The following NCAPD3 variants were observed in gnomAD, a reference collection of about 807,000 sequenced individuals.
NCAPD3 encodes non-SMC condensin II complex subunit D3, also known as condensin-2 complex subunit D3.
A neutral mutation model predicts 182.9 loss-of-function variants in NCAPD3; 105 were observed. The observed-to-expected ratio is 0.57, with a 90% CI of 0.49 to 0.68. NCAPD3 has a LOEUF of 0.68. Among genes scored for constraint, NCAPD3 ranks in the 30% least tolerant of loss-of-function variants. The pLI, the probability that NCAPD3 is intolerant of heterozygous loss-of-function variation, is 0.00. For missense variants in NCAPD3, 1,944 were observed against 1,837.0 expected (o/e 1.06, Z -1.07); for synonymous variants, 815 against 679.9 (o/e 1.20, Z -3.09).
rs775476311 is a variant in NCAPD3 at position 134,192,880 on chromosome 11, T to C, written c.1854A>G (p.Lys618=). The part of the protein sequence containing the change: ...MAQPRCVQIQ[K]AWLRGVVPVV... ...CCGGGACCACCCCCCGCAACCAGGC[T>C]TTCTGGATCTGCACGCATCTAGGCT... The change falls in exon 16 of 35, where the codon AAA becomes AAG. Residue 618 remains lysine, a synonymous_variant. Transcript: ENST00000534548. 11 of 1,612,722 alleles carry C rather than the reference T, an allele frequency of 6.8e-6. No homozygotes were observed. The highest frequency in any genetic ancestry group is 1.3e-5 in the African/African-American group (1 of 74,838).
At chr11:134,224,722 G>C (rs1418975551), upstream of NCAPD3, 1 of 151,900 alleles carries the variant, frequency 6.6e-6, no homozygotes, top group Non-Finnish European at 1.5e-5. Flanking sequence ...TGGGCAGCTC[G>C]CAGCGCTGCT....
At chr11:134,159,797 T>C (rs1481937705) in intron 29 of NCAPD3, 95 bp downstream of exon 29, 14 of 1,333,408 alleles carry the variant, frequency 1.0e-5, no homozygotes, top group Non-Finnish European at 1.2e-5. Context: ...TAACCTCTGA[T>C]GACGGAGATC....
At chr11:134,163,700 CA>C (rs57961196) in intron 27 of NCAPD3, among the ~76,000 whole-genome samples, 4,466 of 66,148 alleles carry the variant, frequency 0.068, 130 homozygotes, top group African/African-American at 0.14. Context: ...TACTGTGTCT[CA>C]AAAAAAAAAA....
chr11:134,203,509 AG>A, intron 11 of NCAPD3, 144 bp downstream of exon 11: 1 of 1,145,942 alleles, frequency 8.7e-7, no homozygotes, highest in South Asian at 1.6e-5. Context: ...TTATTTGGCA[AG>A]AAAATATACT....
At chr11:134,159,452 G>A (rs902958089) in intron 29 of NCAPD3, among the ~76,000 whole-genome samples, 5 of 152,346 alleles carry the variant, frequency 3.3e-5, no homozygotes, top group Admixed American at 1.3e-4. Flanking sequence ...AGATGCTGTG[G>A]CATGACAGAA....
intron 24 of NCAPD3, among the ~76,000 whole-genome samples, chr11:134,175,178 A>G (rs1406177567): frequency 1.3e-5 from 2 of 152,196 alleles, no homozygotes; most frequent in Non-Finnish European, 2.9e-5. Flanking sequence ...TCACATACAC[A>G]TATAGGGGCT....
rs1196006165 is a variant in NCAPD3 at position 134,161,974 on chromosome 11, G to A, written c.3574-83C>T. 12 of 677,964 alleles carry A rather than the reference G, an allele frequency of 1.8e-5. No individual in the cohort carries two copies. The East Asian group carries it at 2.6e-4, about 14-fold the overall frequency. 42.0% of individuals were successfully genotyped at this position (677,964 alleles called of 1,614,324 possible). A position where few individuals can be genotyped will look rare whatever the true frequency, so the allele number is the denominator to read the frequency against. ...TCCTTGATCTAGTTCTTTGAGTAGA[G>A]CCACCCTACCACACTATGTAAGTTT... On this transcript the variant is annotated intron_variant, in intron 27 of 34. Transcript: ENST00000534548.
intron 27 of NCAPD3, among the ~76,000 whole-genome samples, chr11:134,164,366 G>A (rs1226255524): frequency 6.6e-6 from 1 of 152,242 alleles, no homozygotes; most frequent in Non-Finnish European, 1.5e-5. Context: ...AGCACGTCCT[G>A]GCAGCAGGGG....
chr11:134,168,572 C>A lies in NCAPD3; in HGVS notation c.3270G>T (p.Lys1090Asn). The A allele has an allele frequency of 1.9e-6, 3 of 1,614,150 alleles. No individual in the cohort carries two copies. The highest frequency in any genetic ancestry group is 2.5e-6 in the Non-Finnish European group (3 of 1,180,022). The change falls in exon 26 of 35, where the codon AAG (lysine) becomes AAT (asparagine). Residue 1090 changes from lysine to asparagine, a missense_variant. By Grantham distance (94) the Lys-to-Asn change is moderately conservative. Coordinates refer to ENST00000534548, the MANE Select transcript of NCAPD3 (RefSeq NM_015261.3). ...REKRLFSLKG[K>N]SNKERRMKIY... Reference sequence around the variant, plus strand: ...TTTTCATTCGTCTCTCTTTGTTTGACTTTCCCTTCAATGAAAACAGCCGCT... The same window carrying A: ...TTTTCATTCGTCTCTCTTTGTTTGAATTTCCCTTCAATGAAAACAGCCGCT...
chr11:134,206,440 G>A (rs1373186633), intron 8 of NCAPD3, among the ~76,000 whole-genome samples, 159 bp downstream of exon 8: 5 of 152,156 alleles, frequency 3.3e-5, no homozygotes, highest in Non-Finnish European at 7.3e-5. Context: ...CAGAGACCCA[G>A]ACACATAAAG....
intron 30 of NCAPD3, 101 bp from the exon 31 acceptor site, chr11:134,158,168 C>A (rs1359808657): frequency 6.6e-7 from 1 of 1,523,916 alleles, no homozygotes; most frequent in African/African-American, 1.4e-5. Flanking sequence ...CGGCGCATCC[C>A]TCACCACCCT....
In NCAPD3 at chr11:134,181,122, G is replaced by A. The variant is rs867473747; in HGVS notation, c.2514C>T (p.Ile838=). 9.3e-6 allele frequency: 15 copies of A among 1,614,120 alleles called. No homozygotes were observed. The highest frequency in any genetic ancestry group is 2.7e-5 in the African/African-American group (2 of 75,054). ...TCCCTGTTCCATTCTCCTTGAGAACGATGTTGGAGAGGCGGTGCTCGCAGG... is the reference window on the plus strand; with the variant it reads ...TCCCTGTTCCATTCTCCTTGAGAACAATGTTGGAGAGGCGGTGCTCGCAGG... ...LSTCEHRLSN[I]VLKENGTGNM... Residue 838 remains isoleucine (I), a synonymous_variant, in exon 20 of 35, where the codon ATC becomes ATT. Coordinates refer to ENST00000534548, the MANE Select transcript of NCAPD3 (RefSeq NM_015261.3).
In NCAPD3 at chr11:134,151,218, T is replaced by C. The variant is rs774264229; in HGVS notation, c.*1726A>G. ...TTTTTTAATTGCATACATGAGACTG[T>C]GTTGACTTTTTTTAGTTATGTGAAA... On this transcript the variant is annotated 3_prime_UTR_variant, in exon 35 of 35. Coordinates refer to ENST00000534548, the MANE Select transcript of NCAPD3 (RefSeq NM_015261.3). 2.6e-5 allele frequency: 4 copies of C among 152,182 alleles called. No homozygotes were observed. The highest frequency in any genetic ancestry group is 5.9e-5 in the Non-Finnish European group (4 of 68,044). 9.4% of individuals were successfully genotyped at this position (152,182 alleles called of 1,614,324 possible).
rs1235999723 is a variant in NCAPD3, at chr11:134,153,038, T to C, written c.4403A>G (p.Gln1468Arg). Residue 1468 changes from glutamine to arginine, a missense_variant, in exon 35 of 35, where the codon CAG becomes CGG. Gln to Arg is a conservative substitution (Grantham distance 43). Transcript: ENST00000534548. ...GGCGGGAGACCGCACATTCCACTGC[T>C]GAGGCTGTGGGGGCCTAGGGAAAGG... ...SLPDKPPPQPQQWNVRSPARN... is the reference protein window; with the variant it reads ...SLPDKPPPQPRQWNVRSPARN... The C allele has an allele frequency of 1.2e-6, 2 of 1,602,576 alleles. No individual in the cohort carries two copies. Among genetic ancestry groups the C allele is most frequent in the East Asian group, 2.2e-5 (1 of 44,642 alleles).
At chr11:134,186,401 C>T (rs1346472709) in intron 16 of NCAPD3, among the ~76,000 whole-genome samples, 4 of 152,140 alleles carry the variant, frequency 2.6e-5, no homozygotes, top group East Asian at 1.9e-4. Context: ...TTTCTTGAGA[C>T]AGGGTCTCAC....
chr11:134,179,733 T>C (rs1307403236), intron 20 of NCAPD3, among the ~76,000 whole-genome samples: 3 of 152,250 alleles, frequency 2.0e-5, no homozygotes, highest in African/African-American at 7.2e-5. Flanking sequence ...GCTGTGTTTC[T>C]TCATAACATT....
At position 134,152,267 on chromosome 11, in the gene NCAPD3, G is replaced by C. The variant is rs555616367; in HGVS notation, c.*677C>G. Reference sequence around the variant, plus strand: ...ATGCTGTTCATGTCTGTTAGGGAAAGCACACCGCCTCTGCCTGGGCACAGA... The same window carrying C: ...ATGCTGTTCATGTCTGTTAGGGAAACCACACCGCCTCTGCCTGGGCACAGA... On this transcript the variant is annotated 3_prime_UTR_variant, in exon 35 of 35. Coordinates refer to ENST00000534548, the MANE Select transcript of NCAPD3 (RefSeq NM_015261.3). Among the ~76,000 whole-genome samples, 1 of 152,230 alleles carries C rather than the reference G, an allele frequency of 6.6e-6. No homozygotes were observed. The highest frequency in any genetic ancestry group is 1.5e-5 in the Non-Finnish European group (1 of 68,034).
rs11822625 is a variant in NCAPD3 at position 134,151,903 on chromosome 11, A to G, written c.*1041T>C. 8,251 of 152,306 alleles carry G rather than the reference A, an allele frequency of 0.054. 353 individuals carry two copies. The highest frequency in any genetic ancestry group is 0.12 in the African/African-American group (4,947 of 41,556). The allele number at this position is 152,306 out of a possible 1,614,324, so 9.4% of individuals were successfully genotyped here. On this transcript the variant is annotated 3_prime_UTR_variant, in exon 35 of 35. Coordinates refer to ENST00000534548, the MANE Select transcript of NCAPD3 (RefSeq NM_015261.3). ...GGGCAGGAGGTCAGCCTGTGTGCTC[A>G]AGAGCAGTGCTGCGCCTCTCCGCCA... is the stretch of plus-strand genomic sequence containing the variant.
intron 15 of NCAPD3, among the ~76,000 whole-genome samples, chr11:134,193,608 C>G (rs1378774512): frequency 6.6e-6 from 1 of 152,122 alleles, no homozygotes; most frequent in Non-Finnish European, 1.5e-5. Context: ...CAAAAATTAG[C>G]CAGGCATGGC....
Sources: allele counts gnomAD v4.1 joint callset (sites outside exome capture counted in the v4.1 genomes callset), GRCh38; gene constraint gnomAD v4.1.1; transcripts MANE v1.5; gene names NCBI Gene and HGNC (gene_info 2026-07-23, HGNC 2026-07-21).